CADPS: variants seen among roughly 807,000 people sequenced by gnomAD.
The protein encoded by CADPS is calcium-dependent secretion activator 1.
CADPS carries 57 observed loss-of-function variants against 167.3 expected under a neutral mutation model. That is an observed-to-expected ratio of 0.34 (90% confidence interval 0.28 to 0.42). The LOEUF is 0.42. CADPS is among the 20% of genes least tolerant of loss of function. The pLI is 1.00. For missense variants in CADPS, 1,414 were observed against 1,738.1 expected (o/e 0.81, Z 3.32); for synonymous variants, 676 against 635.3 (o/e 1.06, Z -0.96).
intron 3 of CADPS, among the ~76,000 whole-genome samples, chr3:62,679,377 A>G (rs889733548): frequency 1.5e-4 from 12 of 80,658 alleles, no homozygotes; most frequent in African/African-American, 3.7e-4. Flanking sequence ...TGGTCCAGAG[A>G]GATGCTGGTC....
intron 9 of CADPS, among the ~76,000 whole-genome samples, chr3:62,560,972 C>T (rs182596240): frequency 1.8e-3 from 260 of 148,004 alleles, no homozygotes; most frequent in African/African-American, 6.2e-3. Context: ...TCAGCTACTC[C>T]GGAGGCTGAG....
At chr3:62,556,242 C>A (rs1051574788) in intron 10 of CADPS, among the ~76,000 whole-genome samples, 1 of 152,190 alleles carries the variant, frequency 6.6e-6, no homozygotes, top group South Asian at 2.1e-4. Context: ...GATTTCCAGG[C>A]AGAGCATTTA....
chr3:62,794,256 G>C (rs922640043), intron 1 of CADPS, among the ~76,000 whole-genome samples: 2 of 152,022 alleles, frequency 1.3e-5, no homozygotes, highest in African/African-American at 4.8e-5. Context: ...GATAACAACT[G>C]TGTCAACTAG....
At chr3:62,816,826 C>T (rs1330308515) in intron 1 of CADPS, among the ~76,000 whole-genome samples, 2 of 152,106 alleles carry the variant, frequency 1.3e-5, no homozygotes, top group Non-Finnish European at 2.9e-5. Flanking sequence ...TGCTAATCCC[C>T]CTAGTTTTCA....
intron 8 of CADPS, among the ~76,000 whole-genome samples, chr3:62,574,884 C>T (rs1028449519): frequency 6.6e-6 from 1 of 152,100 alleles, no homozygotes; most frequent in Non-Finnish European, 1.5e-5. Flanking sequence ...AATCTCTGTA[C>T]GGACAGAGAA....
intron 3 of CADPS, among the ~76,000 whole-genome samples, chr3:62,675,250 C>T (rs1261645775): frequency 1.3e-5 from 2 of 149,674 alleles, no homozygotes; most frequent in African/African-American, 4.9e-5. Context: ...AACCTAGCTG[C>T]AAAGAAAGTT....
chr3:62,668,137 T>C (rs977602103), intron 3 of CADPS, among the ~76,000 whole-genome samples: 3 of 152,220 alleles, frequency 2.0e-5, no homozygotes, highest in Non-Finnish European at 2.9e-5. Context: ...AAAGAGAGGA[T>C]GTGATTCAAA....
intron 3 of CADPS, among the ~76,000 whole-genome samples, chr3:62,705,944 T>A (rs13068742): frequency 0.079 from 12,091 of 152,210 alleles, 633 homozygotes; most frequent in Non-Finnish European, 0.12. Flanking sequence ...TTGCCTCCTT[T>A]AAAGCTATTC....
intron 3 of CADPS, among the ~76,000 whole-genome samples, chr3:62,688,927 G>T (rs1481935769): frequency 1.3e-5 from 2 of 151,932 alleles, no homozygotes; most frequent in Non-Finnish European, 2.9e-5. Flanking sequence ...GGAGGAAGAG[G>T]ACAATTCAAG....
chr3:62,665,069 G>T (rs1247791785), intron 3 of CADPS, among the ~76,000 whole-genome samples: 1 of 152,128 alleles, frequency 6.6e-6, no homozygotes, highest in Non-Finnish European at 1.5e-5. Flanking sequence ...AAGAAGAAAG[G>T]ATTAGCATTT....
chr3:62,776,340 G>A (rs2090291260), intron 1 of CADPS, among the ~76,000 whole-genome samples: 1 of 152,204 alleles, frequency 6.6e-6, no homozygotes, highest in Admixed American at 6.5e-5. Flanking sequence ...GTTTTGCATA[G>A]GAGAGTGACA....
chr3:62,535,025 T>C (rs940745129), intron 12 of CADPS, among the ~76,000 whole-genome samples: 3 of 152,076 alleles, frequency 2.0e-5, no homozygotes, highest in South Asian at 2.1e-4. Context: ...AAAATGATAA[T>C]GTGAAAAAGT....
chr3:62,434,360 T>G (rs2054565853), intron 28 of CADPS, among the ~76,000 whole-genome samples: 1 of 152,208 alleles, frequency 6.6e-6, no homozygotes, highest in Non-Finnish European at 1.5e-5. Context: ...GCACTTTGTC[T>G]TGGATTGGTT....
At chr3:62,743,749 C>G (rs1221474344) in intron 3 of CADPS, among the ~76,000 whole-genome samples, 1 of 152,126 alleles carries the variant, frequency 6.6e-6, no homozygotes, top group Non-Finnish European at 1.5e-5. Context: ...GCAAACAAAC[C>G]TAAGTAGTCT....
chr3:62,644,018 G>T (rs1052345695), intron 6 of CADPS, among the ~76,000 whole-genome samples: 2 of 152,164 alleles, frequency 1.3e-5, no homozygotes, highest in African/African-American at 4.8e-5. Flanking sequence ...ATTTCCTCTT[G>T]TACACACTCA....
At chr3:62,824,422 G>A (rs979426737) in intron 1 of CADPS, among the ~76,000 whole-genome samples, 1 of 152,178 alleles carries the variant, frequency 6.6e-6, no homozygotes, top group African/African-American at 2.4e-5. Context: ...ATCATCAGTT[G>A]TGAGAGTATT....
chr3:62,557,918 C>T (rs1477322319), intron 9 of CADPS, among the ~76,000 whole-genome samples: 1 of 152,206 alleles, frequency 6.6e-6, no homozygotes, highest in Non-Finnish European at 1.5e-5. Flanking sequence ...TTTGTATGTT[C>T]TACCTAATGT....
At chr3:62,706,257 A>C (rs1290548670) in intron 3 of CADPS, among the ~76,000 whole-genome samples, 1 of 152,080 alleles carries the variant, frequency 6.6e-6, no homozygotes, top group South Asian at 2.1e-4. Context: ...TGCCACCCCA[A>C]TATTATTCTC....
chr3:62,461,673 C>T (rs2059365820), intron 26 of CADPS, among the ~76,000 whole-genome samples: 3 of 152,210 alleles, frequency 2.0e-5, no homozygotes, highest in Admixed American at 2.0e-4. Context: ...TCGCTGACTC[C>T]TTCAAGCTTG....
Sources: allele counts gnomAD v4.1 joint callset (sites outside exome capture counted in the v4.1 genomes callset), GRCh38; gene constraint gnomAD v4.1.1; transcripts MANE v1.5; gene names NCBI Gene and HGNC (gene_info 2026-07-23, HGNC 2026-07-21).